The following KDM4C variants were observed in gnomAD, a reference collection of about 807,000 sequenced individuals.
KDM4C encodes lysine demethylase 4C, also known as lysine-specific demethylase 4C.
In KDM4C, 81 loss-of-function variants were observed where a neutral mutation model predicts 129.3. The ratio of observed to expected loss-of-function variants is 0.63; its 90% CI spans 0.52 to 0.75. KDM4C has a LOEUF of 0.75. KDM4C is among the 30% of genes least tolerant of loss of function. KDM4C has a pLI of 0.00. For missense variants in KDM4C, 1,457 were observed against 1,304.0 expected, an observed-to-expected ratio of 1.12 and a Z score of -1.81; for synonymous variants, 573 against 456.1, an observed-to-expected ratio of 1.26 and a Z score of -3.26.
intron 5 of KDM4C, among the ~76,000 whole-genome samples, chr9:6,860,602 CA>C (rs1270220260): frequency 6.6e-6 from 1 of 152,132 alleles, no homozygotes; most frequent in Non-Finnish European, 1.5e-5. Context: ...CATATGCCTG[CA>C]ATCCTAAAAT....
At chr9:6,721,279 T>TC (rs1370886778) in intron 1 of KDM4C, 1 of 158,374 alleles carries the variant, frequency 6.3e-6, no homozygotes, top group East Asian at 1.5e-4. Flanking sequence ...AACTTTTTTT[T>TC]TTTTTTTTTT....
intron 17 of KDM4C, among the ~76,000 whole-genome samples, chr9:7,075,787 A>G (rs1392845608): frequency 6.6e-6 from 1 of 151,966 alleles, no homozygotes; most frequent in Admixed American, 6.6e-5. Flanking sequence ...TCTCCTGGGC[A>G]TACTCTTTAA....
chr9:6,914,137 G>A (rs960888980), intron 8 of KDM4C, among the ~76,000 whole-genome samples: 5 of 152,108 alleles, frequency 3.3e-5, no homozygotes, highest in South Asian at 4.1e-4. Flanking sequence ...TCGGCTCACC[G>A]CAACCTCTGC....
chr9:6,830,680 T>C lies in KDM4C; in HGVS notation c.435+15935T>C, dbSNP rs150243311. Among the ~76,000 whole-genome samples, 323 of 152,392 alleles carry C rather than the reference T, an allele frequency of 2.1e-3. 3 individuals are homozygous for C. The highest frequency in any genetic ancestry group is 6.3e-3 in the African/African-American group (263 of 41,606). ...TTTTCCTTTTCCATTGAAGGAATAATGTGCCTATGTGTATGATCCAGAATT... is the reference window on the plus strand; with the variant it reads ...TTTTCCTTTTCCATTGAAGGAATAACGTGCCTATGTGTATGATCCAGAATT... On this transcript the variant is annotated intron_variant, in intron 4 of 21. Coordinates refer to ENST00000381309, the MANE Select transcript of KDM4C (RefSeq NM_015061.6).
At chr9:7,101,907 G>A (rs960380498) in intron 17 of KDM4C, among the ~76,000 whole-genome samples, 15 of 152,256 alleles carry the variant, frequency 9.9e-5, no homozygotes, top group African/African-American at 3.6e-4. Flanking sequence ...CTCCTGATAG[G>A]AGTTTTTGCT....
intron 4 of KDM4C, among the ~76,000 whole-genome samples, chr9:6,830,747 A>G (rs901762468): frequency 2.6e-5 from 4 of 152,186 alleles, no homozygotes; most frequent in African/African-American, 9.7e-5. Context: ...GGCCACTGGA[A>G]GTACCTTAGG....
intron 8 of KDM4C, among the ~76,000 whole-genome samples, chr9:6,959,818 C>G (rs530540600): frequency 6.6e-6 from 1 of 152,130 alleles, no homozygotes; most frequent in East Asian, 1.9e-4. Flanking sequence ...AAAGGAAATG[C>G]CTGTCAACTT....
chr9:7,089,656 C>A (rs1227704264), intron 17 of KDM4C, among the ~76,000 whole-genome samples: 1 of 152,156 alleles, frequency 6.6e-6, no homozygotes, highest in Non-Finnish European at 1.5e-5. Flanking sequence ...GAGCAAATAA[C>A]CTTTCCAGTC....
At chr9:6,857,260 C>T (rs772360554) in intron 5 of KDM4C, among the ~76,000 whole-genome samples, 9 of 152,142 alleles carry the variant, frequency 5.9e-5, no homozygotes, top group Non-Finnish European at 1.2e-4. Context: ...TAGGGACACC[C>T]TGTATCTACC....
intron 17 of KDM4C, chr9:7,076,662 T>G (rs1833955810): frequency 7.6e-7 from 1 of 1,311,560 alleles, no homozygotes; most frequent in Non-Finnish European, 9.7e-7. Flanking sequence ...TATCTGTCAT[T>G]TTCCTCTGGA....
chr9:6,976,661 C>G (rs1832977185), intron 8 of KDM4C, among the ~76,000 whole-genome samples: 1 of 152,100 alleles, frequency 6.6e-6, no homozygotes, highest in African/African-American at 2.4e-5. Flanking sequence ...GATTGTGCCT[C>G]AAAGATAATT....
chr9:6,728,057 A>G (rs1330877364), intron 1 of KDM4C, among the ~76,000 whole-genome samples: 1 of 132,900 alleles, frequency 7.5e-6, no homozygotes, highest in Non-Finnish European at 1.6e-5. Context: ...AAAACCAACC[A>G]TGAAGCTGCA....
intron 19 of KDM4C, among the ~76,000 whole-genome samples, chr9:7,158,406 G>A (rs541221103): frequency 6.6e-6 from 1 of 151,394 alleles, no homozygotes; most frequent in Non-Finnish European, 1.5e-5. Context: ...AGTAGCTCTT[G>A]CTTCTCTAGT....
intron 1 of KDM4C, among the ~76,000 whole-genome samples, chr9:6,728,866 CAA>C (rs1193488156): frequency 2.7e-5 from 4 of 150,874 alleles, no homozygotes; most frequent in African/African-American, 9.7e-5. Flanking sequence ...ACAAAACAAA[CAA>C]AAAGTATTCT....
chr9:6,905,893 G>A (rs963188128), intron 8 of KDM4C, among the ~76,000 whole-genome samples: 1 of 152,062 alleles, frequency 6.6e-6, no homozygotes, highest in East Asian at 1.9e-4. Flanking sequence ...TCACATTGAG[G>A]ATCCTGCCAG....
chr9:7,011,897 C>G lies in KDM4C; in HGVS notation c.1968+18C>G. The G allele has an allele frequency of 6.2e-7, 1 of 1,602,808 alleles. No individual in the cohort carries two copies. The highest frequency in any genetic ancestry group is 8.5e-7 in the Non-Finnish European group (1 of 1,171,396). On this transcript the variant is annotated intron_variant, in intron 13 of 21. Coordinates refer to ENST00000381309, the MANE Select transcript of KDM4C (RefSeq NM_015061.6). ...ACCACAAGGTAAAGGAGCCTGCTAT[C>G]ATAGTTCCCTTCACTGCTCTGCCTT... is the stretch of plus-strand genomic sequence containing the variant.
intron 5 of KDM4C, among the ~76,000 whole-genome samples, chr9:6,867,932 C>T (rs1842301673): frequency 6.6e-6 from 1 of 152,144 alleles, no homozygotes; most frequent in Admixed American, 6.5e-5. Flanking sequence ...ACACAGAACC[C>T]TTATGTATCA....
intron 1 of KDM4C, chr9:6,749,034 T>C (rs1271895450): frequency 1.6e-6 from 1 of 631,552 alleles, no homozygotes; most frequent in Admixed American, 2.3e-5. Context: ...TATTTTTATT[T>C]TTGAAATGGA....
At chr9:6,752,015 A>C (rs1665963928) in intron 1 of KDM4C, among the ~76,000 whole-genome samples, 1 of 152,102 alleles carries the variant, frequency 6.6e-6, no homozygotes, top group African/African-American at 2.4e-5. Flanking sequence ...GGAGAGATTA[A>C]GCAAGTCACA....
Sources: gnomAD v4.1 joint callset for allele counts (sites outside exome capture counted in the v4.1 genomes callset) on GRCh38, gnomAD v4.1.1 for gene constraint, MANE v1.5 for transcripts, NCBI Gene and HGNC (gene_info 2026-07-23, HGNC 2026-07-21) for gene names.